The following GMEB1 variants were observed in gnomAD, a reference collection of about 807,000 sequenced individuals.
GMEB1 encodes the protein glucocorticoid modulatory element binding protein 1.
A neutral mutation model predicts 52.4 loss-of-function variants in GMEB1; 6 were observed. The observed-to-expected ratio is 0.11, with a 90% CI of 0.06 to 0.23. GMEB1 has a LOEUF of 0.23. Among genes scored for constraint, GMEB1 ranks in the 10% least tolerant of loss-of-function variants. The probability of loss-of-function intolerance (pLI) is 1.00; values close to 1 mark genes in which losing one functional copy is unlikely to be tolerated. For missense variants in GMEB1, 486 were observed against 685.6 expected (o/e 0.71, Z 3.25); for synonymous variants, 255 against 244.9 (o/e 1.04, Z -0.38).
At chr1:28,680,805 A>G (rs1669356582) in intron 1 of GMEB1, among the ~76,000 whole-genome samples, 2 of 151,914 alleles carry the variant, frequency 1.3e-5, no homozygotes, top group Non-Finnish European at 2.9e-5. Flanking sequence ...GCACTTTGGG[A>G]GGCCGAGGTG....
intron 1 of GMEB1, among the ~76,000 whole-genome samples, chr1:28,669,511 T>C (rs554242629): frequency 6.6e-6 from 1 of 152,016 alleles, no homozygotes; most frequent in Non-Finnish European, 1.5e-5. Flanking sequence ...GGTAGAGGCC[T>C]CGGCCACTCA....
chr1:28,700,058 CAAAA>C (rs34231884), intron 6 of GMEB1, among the ~76,000 whole-genome samples: 1 of 61,140 alleles, frequency 1.6e-5, no homozygotes, highest in Non-Finnish European at 3.1e-5. Context: ...GACCCTGTCT[CAAAA>C]AAAAAAAAAA....
Position 28,690,090 on chromosome 1 carries a change from C to T in GMEB1, c.129-14C>T, listed in dbSNP as rs1669879581. The T allele has an allele frequency of 2.5e-6, 4 of 1,580,094 alleles. No homozygotes were observed. The highest frequency in any genetic ancestry group is 1.2e-5 in the South Asian group (1 of 86,256). Reference sequence around the variant, plus strand: ...TTTATGTAGTTTGTTTATCGATGGACACTTTTACAACAGGATTTATGAAGC... The same window carrying T: ...TTTATGTAGTTTGTTTATCGATGGATACTTTTACAACAGGATTTATGAAGC... On this transcript the variant is annotated splice_polypyrimidine_tract_variant and intron_variant, in intron 2 of 9. Transcript: ENST00000373816.
At chr1:28,709,839 G>A (rs979098116) in intron 8 of GMEB1, among the ~76,000 whole-genome samples, 4 of 152,026 alleles carry the variant, frequency 2.6e-5, no homozygotes, top group South Asian at 2.1e-4. Context: ...GTGAGCCACC[G>A]CTCCTGGCCT....
At chr1:28,700,670 G>A (rs1442065683) in intron 6 of GMEB1, among the ~76,000 whole-genome samples, 1 of 149,740 alleles carries the variant, frequency 6.7e-6, no homozygotes, top group Non-Finnish European at 1.5e-5. Context: ...GGGCAACAAA[G>A]TGAGACTCTG....
chr1:28,704,539 A>G lies in GMEB1; in HGVS notation c.868+210A>G, dbSNP rs182239412. Among the ~76,000 whole-genome samples, 61 of 152,130 alleles carry G rather than the reference A, an allele frequency of 4.0e-4. 1 individual carries two copies. Among genetic ancestry groups the G allele is most frequent in the African/African-American group, 1.4e-3 (60 of 41,512 alleles). ...ATCTGGCCATGCTTTTCCACAGGTA[A>G]TTTTTGTCTTTATAAATGGTGCCAG... On this transcript the variant is annotated intron_variant, in intron 8 of 9. Coordinates refer to ENST00000373816, the MANE Select transcript of GMEB1 (RefSeq NM_001319674.2).
intron 8 of GMEB1, among the ~76,000 whole-genome samples, chr1:28,706,331 G>C (rs906586708): frequency 2.6e-5 from 4 of 151,886 alleles, no homozygotes; most frequent in Non-Finnish European, 5.9e-5. Context: ...TGGGCCAGGC[G>C]TTGTGGCTCA....
intron 2 of GMEB1, among the ~76,000 whole-genome samples, chr1:28,684,341 A>G (rs1457899415): frequency 6.6e-6 from 1 of 152,036 alleles, no homozygotes. Context: ...AGGCGCGTGG[A>G]TCATGAGGTC....
chr1:28,713,930 C>T, intron 9 of GMEB1, 143 bp from the exon 10 acceptor site: 2 of 666,714 alleles, frequency 3.0e-6, no homozygotes, highest in Non-Finnish European at 5.2e-6. Context: ...CCCAAATAAG[C>T]ACAAGAAAGA....
chr1:28,677,212 T>C (rs151059426), intron 1 of GMEB1, among the ~76,000 whole-genome samples: 97 of 152,262 alleles, frequency 6.4e-4, no homozygotes, highest in African/African-American at 2.2e-3. Flanking sequence ...TTGAGGCACT[T>C]CTGATCTCAA....
rs528889503 is a variant in GMEB1 at position 28,680,427 on chromosome 1, G to A, written c.-30-3156G>A. ...TCCTGGGCACTGTGGTAGCCTTGGGGGAATTGCTGAATAAGAAAAGCAATC... is the reference window on the plus strand; with the variant it reads ...TCCTGGGCACTGTGGTAGCCTTGGGAGAATTGCTGAATAAGAAAAGCAATC... On this transcript the variant is annotated intron_variant, in intron 1 of 9. Coordinates refer to ENST00000373816, the MANE Select transcript of GMEB1 (RefSeq NM_001319674.2). 8.5e-5 allele frequency among the ~76,000 whole-genome samples: 13 copies of A among 152,084 alleles called. No individual in the cohort carries two copies. In the South Asian group the frequency reaches 2.7e-3, roughly 32 times the overall value.
At position 28,702,473 on chromosome 1, in the gene GMEB1, A is replaced by G. The variant is rs779439452; in HGVS notation, c.634A>G (p.Met212Val). The change falls in exon 7 of 10, where the codon ATG (methionine) becomes GTG (valine). Residue 212 changes from methionine to valine, a missense_variant. Met to Val is a conservative substitution (Grantham distance 21, BLOSUM62 1). This residue lies in a region of GMEB1 where 200 missense variants were observed against 253.5 expected (regional missense o/e 0.79). Transcript: ENST00000373816. ...ITQIAISEES[M>V]EEAGLEWNSA... ...GCAGATTGCCATCTCAGAAGAGAGC[A>G]TGGAAGAGGCAGGGCTGGAATGGAA... 4.3e-6 allele frequency: 7 copies of G among 1,613,478 alleles called. No individual in the cohort carries two copies. Among genetic ancestry groups the G allele is most frequent in the Admixed American group, 1.7e-5 (1 of 59,968 alleles).
At chr1:28,705,240 A>C (rs932345839) in intron 8 of GMEB1, among the ~76,000 whole-genome samples, 1 of 151,376 alleles carries the variant, frequency 6.6e-6, no homozygotes, top group African/African-American at 2.4e-5. Context: ...AATATGAAAA[A>C]AAAAAAATTA....
chr1:28,699,517 C>G (rs141341522), intron 6 of GMEB1, among the ~76,000 whole-genome samples: 1 of 151,928 alleles, frequency 6.6e-6, no homozygotes, highest in East Asian at 1.9e-4. Context: ...GCAACCTCCC[C>G]CTCCCGGGTT....
intron 1 of GMEB1, among the ~76,000 whole-genome samples, chr1:28,674,743 G>A (rs1470850080): frequency 9.0e-6 from 1 of 111,204 alleles, no homozygotes; most frequent in Non-Finnish European, 1.8e-5. Context: ...TTTTGAGACG[G>A]AGTCTCGCTC....
chr1:28,698,290 A>ACCCG (rs1670323486), intron 6 of GMEB1, among the ~76,000 whole-genome samples: 1 of 151,012 alleles, frequency 6.6e-6, no homozygotes, highest in African/African-American at 2.4e-5. Flanking sequence ...AATTGCTTGA[A>ACCCG]CCTGGGAGGC....
rs566628263 is a variant in GMEB1 at position 28,717,745 on chromosome 1, T to C, written c.*2972T>C. On this transcript the variant is annotated 3_prime_UTR_variant, in exon 10 of 10. Coordinates refer to ENST00000373816, the MANE Select transcript of GMEB1 (RefSeq NM_001319674.2). ...ATCTACTTGAATCTAGGAAGGCACA[T>C]CTCATCCCTATTGTGGTTTTTAGGG... 1 of 152,298 alleles carries C rather than the reference T, an allele frequency of 6.6e-6. No homozygotes were observed. The highest frequency in any genetic ancestry group is 1.5e-5 in the Non-Finnish European group (1 of 68,030). 9.4% of individuals were successfully genotyped at this position (152,298 alleles called of 1,614,324 possible). A position where few individuals can be genotyped will look rare whatever the true frequency, so the allele number is the denominator to read the frequency against.
chr1:28,708,869 C>T (rs1161944863), intron 8 of GMEB1, among the ~76,000 whole-genome samples: 2 of 151,892 alleles, frequency 1.3e-5, no homozygotes, highest in Non-Finnish European at 2.9e-5. Flanking sequence ...AGGTGGCTCT[C>T]GCCTGTAATC....
intron 7 of GMEB1, 89 bp downstream of exon 7, chr1:28,702,658 T>A: frequency 8.4e-7 from 1 of 1,189,924 alleles, no homozygotes; most frequent in Non-Finnish European, 1.2e-6. Context: ...TCTTAATTAC[T>A]TTCGCTGGAT....
Sources: allele counts gnomAD v4.1 joint callset (sites outside exome capture counted in the v4.1 genomes callset), GRCh38; gene constraint gnomAD v4.1.1; regional missense constraint gnomAD v4.1.1; transcripts MANE v1.5; gene names NCBI Gene and HGNC (gene_info 2026-07-23, HGNC 2026-07-21).